GRIK3: variants seen among roughly 807,000 people sequenced by gnomAD.
The protein encoded by GRIK3 is glutamate ionotropic receptor kainate type subunit 3, also known as glutamate receptor ionotropic, kainate 3.
In GRIK3, 29 loss-of-function variants were observed where a neutral mutation model predicts 102.5. The ratio of observed to expected loss-of-function variants is 0.28; its 90% confidence interval spans 0.21 to 0.39. GRIK3 has a LOEUF of 0.39. Among genes scored for constraint, GRIK3 ranks in the 10% least tolerant of loss-of-function variants. The pLI is 1.00. For missense variants in GRIK3, 908 were observed against 1,252.4 expected (o/e 0.73, Z 4.15); for synonymous variants, 511 against 504.9 (o/e 1.01, Z -0.16).
At chr1:36,843,097 C>T (rs4330887) in intron 9 of GRIK3, among the ~76,000 whole-genome samples, 20,720 of 152,116 alleles carry the variant, frequency 0.14, 1,488 homozygotes, top group Non-Finnish European at 0.16. Flanking sequence ...TAGAAACAAA[C>T]CCCTGGCAAC....
intron 1 of GRIK3, among the ~76,000 whole-genome samples, chr1:36,997,124 C>G (rs900148593): frequency 3.9e-5 from 6 of 152,188 alleles, no homozygotes; most frequent in Non-Finnish European, 7.3e-5. Context: ...ATCCCTCTAT[C>G]TCTAGGAGCT....
At chr1:36,825,055 A>G (rs1432718530) in intron 11 of GRIK3, among the ~76,000 whole-genome samples, 2 of 152,284 alleles carry the variant, frequency 1.3e-5, no homozygotes, top group East Asian at 3.9e-4. Context: ...AGGGTGCGCT[A>G]TGTCTACTTT....
At chr1:36,895,389 G>A (rs898340395) in intron 1 of GRIK3, among the ~76,000 whole-genome samples, 1 of 151,700 alleles carries the variant, frequency 6.6e-6, no homozygotes, top group Non-Finnish European at 1.5e-5. Context: ...TGGATAAAGA[G>A]GACAGCATGC....
In GRIK3 at chr1:36,858,961, G is replaced by A. The variant is rs3738080; in HGVS notation, c.1104+147C>T. ...GGTCCTATGGAGCCCATTTTCACAC[G>A]GGAAACTGAGGCTCGGAGACATGAG... On this transcript the variant is annotated intron_variant, in intron 7 of 15. Coordinates refer to ENST00000373091, the MANE Select transcript of GRIK3 (RefSeq NM_000831.4). 763 of 699,580 alleles carry A rather than the reference G, an allele frequency of 1.1e-3. 12 individuals carry two copies. The South Asian group carries it at 0.011, about 10-fold the overall frequency. 43.3% of individuals were successfully genotyped at this position (699,580 alleles called of 1,614,324 possible). A position where few individuals can be genotyped will look rare whatever the true frequency, so the allele number is the denominator to read the frequency against.
chr1:36,856,324 G>C (rs1570762778), intron 7 of GRIK3, among the ~76,000 whole-genome samples: 1 of 152,308 alleles, frequency 6.6e-6, no homozygotes. Flanking sequence ...CCTGTCTGTG[G>C]GCGGGTGGAC....
At chr1:36,949,387 C>T (rs917986071) in intron 1 of GRIK3, among the ~76,000 whole-genome samples, 5 of 152,124 alleles carry the variant, frequency 3.3e-5, no homozygotes, top group Non-Finnish European at 7.3e-5. Flanking sequence ...GTGGACAGGG[C>T]TCTCCCCAAG....
intron 1 of GRIK3, among the ~76,000 whole-genome samples, chr1:37,010,683 G>A (rs1258978627): frequency 2.6e-5 from 4 of 151,184 alleles, no homozygotes; most frequent in South Asian, 2.1e-4. Flanking sequence ...GCGCTCCAGC[G>A]AGTCACTGCG....
chr1:36,873,290 T>C (rs1357793139), intron 3 of GRIK3, among the ~76,000 whole-genome samples: 1 of 152,246 alleles, frequency 6.6e-6, no homozygotes. Flanking sequence ...CTGAAAAATC[T>C]ATCCTCTACC....
rs533833027 is a variant in GRIK3, at chr1:36,999,502, C to T, written c.115+34492G>A. Reference sequence around the variant, plus strand: ...GGACCCTGAGGTCCTAATTCCATCTCCCCTACTCACCACCCACAGAGGCCT... The same window carrying T: ...GGACCCTGAGGTCCTAATTCCATCTTCCCTACTCACCACCCACAGAGGCCT... On this transcript the variant is annotated intron_variant, in intron 1 of 15. Transcript: ENST00000373091. Among the ~76,000 whole-genome samples the T allele has an allele frequency of 3.9e-5, 6 of 152,174 alleles. No individual in the cohort carries two copies. In the South Asian group the frequency reaches 1.2e-3, roughly 32 times the overall value.
At chr1:36,833,260 C>A (rs1187472750) in intron 10 of GRIK3, among the ~76,000 whole-genome samples, 1 of 152,202 alleles carries the variant, frequency 6.6e-6, no homozygotes, top group Admixed American at 6.5e-5. Flanking sequence ...CTGTCCCCTG[C>A]CTGCCTCTCT....
chr1:36,828,254 C>A (rs1642777722), intron 10 of GRIK3, among the ~76,000 whole-genome samples: 1 of 152,060 alleles, frequency 6.6e-6, no homozygotes, highest in Non-Finnish European at 1.5e-5. Context: ...TTCTAGGATT[C>A]TCTGTAATGT....
intron 1 of GRIK3, among the ~76,000 whole-genome samples, chr1:36,994,892 T>C (rs758481747): frequency 6.6e-5 from 10 of 152,332 alleles, no homozygotes; most frequent in South Asian, 2.1e-4. Flanking sequence ...TGAACCTGCA[T>C]TGGGAATCAC....
At chr1:36,888,877 C>G (rs1641072185) in intron 2 of GRIK3, among the ~76,000 whole-genome samples, 1 of 152,108 alleles carries the variant, frequency 6.6e-6, no homozygotes, top group African/African-American at 2.4e-5. Context: ...GTTATTGGTC[C>G]TATGACCTAG....
chr1:36,847,707 G>A (rs1017926553), intron 9 of GRIK3, among the ~76,000 whole-genome samples: 1 of 152,188 alleles, frequency 6.6e-6, no homozygotes, highest in African/African-American at 2.4e-5. Flanking sequence ...TTTTTCAGGT[G>A]GAGAAACTGA....
intron 1 of GRIK3, among the ~76,000 whole-genome samples, chr1:37,031,568 G>C (rs568315793): frequency 6.6e-6 from 1 of 152,220 alleles, no homozygotes. Flanking sequence ...GCTGGTGCTC[G>C]GCGATGCCTG....
chr1:37,008,404 C>A (rs147585668), intron 1 of GRIK3, among the ~76,000 whole-genome samples: 1 of 152,258 alleles, frequency 6.6e-6, no homozygotes, highest in East Asian at 1.9e-4. Context: ...CCTTCACAAG[C>A]TGCAGATGGA....
At chr1:36,847,519 T>C (rs1172212892) in intron 9 of GRIK3, among the ~76,000 whole-genome samples, 1 of 152,002 alleles carries the variant, frequency 6.6e-6, no homozygotes, top group African/African-American at 2.4e-5. Flanking sequence ...GAAGTGGAGA[T>C]TTTCTCAAGA....
At chr1:36,823,848 G>C (rs1049496971) in intron 11 of GRIK3, among the ~76,000 whole-genome samples, 11 of 152,290 alleles carry the variant, frequency 7.2e-5, no homozygotes, top group Admixed American at 3.9e-4. Context: ...ATCTGGTCTG[G>C]GTTTGAAGCC....
At chr1:36,831,119 G>C (rs1452242139) in intron 10 of GRIK3, among the ~76,000 whole-genome samples, 2 of 152,174 alleles carry the variant, frequency 1.3e-5, no homozygotes, top group African/African-American at 4.8e-5. Context: ...AGGATGCATG[G>C]GGCTCCTTCC....
Sources: allele counts gnomAD v4.1 joint callset (sites outside exome capture counted in the v4.1 genomes callset), GRCh38; gene constraint gnomAD v4.1.1; transcripts MANE v1.5; gene names NCBI Gene and HGNC (gene_info 2026-07-23, HGNC 2026-07-21).